The following XKR9 variants were observed in gnomAD, a reference collection of about 807,000 sequenced individuals.
XKR9 encodes XK related 9, also known as XK-related protein 9.
Under a neutral mutation model 32.0 loss-of-function variants are expected in XKR9, and 32 were observed. That is an observed-to-expected ratio of 1.00 (90% confidence interval 0.76 to 1.34). The LOEUF is 1.34. XKR9 is among the 40% of genes most tolerant of loss of function. The probability of loss-of-function intolerance (pLI) is 0.00; values close to 1 mark genes in which losing one functional copy is unlikely to be tolerated. For synonymous variants in XKR9, 168 were observed against 143.4 expected, an observed-to-expected ratio of 1.17 and a Z score of -1.22; for missense variants, 546 against 429.7, an observed-to-expected ratio of 1.27 and a Z score of -2.39.
chr8:71,008,720 G>T, the XKR9 span, among the ~76,000 whole-genome samples: 1 of 152,168 alleles, frequency 6.6e-6, no homozygotes, highest in African/African-American at 2.4e-5. Context: ...TCGACCTCCT[G>T]AGCTCATGCA....
the XKR9 span, among the ~76,000 whole-genome samples, chr8:70,935,658 T>C: frequency 3.3e-5 from 5 of 152,166 alleles, no homozygotes; most frequent in African/African-American, 9.6e-5. Context: ...TTGTCTGGTA[T>C]ATTTCTAAAA....
At chr8:70,936,650 T>A in the XKR9 span, among the ~76,000 whole-genome samples, 1 of 152,036 alleles carries the variant, frequency 6.6e-6, no homozygotes, top group Non-Finnish European at 1.5e-5. Context: ...CCTGTGTCTG[T>A]CCCGTTAATT....
the XKR9 span, among the ~76,000 whole-genome samples, chr8:70,813,081 G>GTACCAAAACAGCATGGTACTGT: frequency 6.6e-6 from 1 of 152,220 alleles, no homozygotes; most frequent in African/African-American, 2.4e-5. Flanking sequence ...CATGGTACTG[G>GTACCAAAACAGCATGGTACTGT]TACCAAAACA....
At chr8:70,756,909 C>T (rs558623291) in intron 2 of XKR9, among the ~76,000 whole-genome samples, 3 of 152,052 alleles carry the variant, frequency 2.0e-5, no homozygotes, top group Admixed American at 6.6e-5. Context: ...GGTGGACATC[C>T]CTGTCTTGTG....
chr8:71,031,116 CT>C, the XKR9 span, among the ~76,000 whole-genome samples: 2 of 152,150 alleles, frequency 1.3e-5, no homozygotes, highest in African/African-American at 4.8e-5. Flanking sequence ...TTTATACTAG[CT>C]GTACAATAAA....
the XKR9 span, among the ~76,000 whole-genome samples, chr8:70,853,527 A>G: frequency 6.6e-6 from 1 of 151,968 alleles, no homozygotes; most frequent in African/African-American, 2.4e-5. Context: ...CCAACAAATG[A>G]ACAAAAAAAA....
rs71560431 is a variant in XKR9 at position 70,669,606 on chromosome 8, CTG to C, written c.-361+100_-361+101del. On this transcript the variant is annotated intron_variant, in intron 1 of 4. Transcript: ENST00000408926. Reference sequence around the variant, plus strand: ...ATTGCCAGATTTTTAGGCAGTGGCTCTGTGTGTGTGTGTGTGTGTGTGTGTGT... The same window carrying C: ...ATTGCCAGATTTTTAGGCAGTGGCTCTGTGTGTGTGTGTGTGTGTGTGTGT... The C allele has an allele frequency of 2.5e-3, 376 of 147,996 alleles. 1 individual carries two copies. The highest frequency in any genetic ancestry group is 5.6e-3 in the African/African-American group (191 of 33,986). 9.2% of individuals were successfully genotyped at this position (147,996 alleles called of 1,614,324 possible). A position where few individuals can be genotyped will look rare whatever the true frequency, so the allele number is the denominator to read the frequency against.
chr8:70,776,726 T>A (rs1006334854), intron 2 of XKR9, among the ~76,000 whole-genome samples: 1 of 151,894 alleles, frequency 6.6e-6, no homozygotes, highest in African/African-American at 2.4e-5. Flanking sequence ...CTGTCTCTCC[T>A]TAGTCCTCAG....
At chr8:70,774,372 C>T (rs761070948) in intron 2 of XKR9, among the ~76,000 whole-genome samples, 4 of 152,010 alleles carry the variant, frequency 2.6e-5, no homozygotes, top group Non-Finnish European at 4.4e-5. Context: ...TGGGTTCAAG[C>T]AATCCTCCCA....
chr8:70,943,667 T>C, the XKR9 span, among the ~76,000 whole-genome samples: 1 of 152,096 alleles, frequency 6.6e-6, no homozygotes, highest in Non-Finnish European at 1.5e-5. Context: ...TAAAAGATCT[T>C]GAGGAAAGAA....
At chr8:71,019,375 G>T in the XKR9 span, among the ~76,000 whole-genome samples, 1 of 152,164 alleles carries the variant, frequency 6.6e-6, no homozygotes, top group Non-Finnish European at 1.5e-5. Context: ...TGAAAGGATT[G>T]ATCTATTTGA....
At chr8:70,905,793 C>T in the XKR9 span, among the ~76,000 whole-genome samples, 7 of 152,250 alleles carry the variant, frequency 4.6e-5, no homozygotes, top group Admixed American at 1.3e-4. Flanking sequence ...TGGTGACGCA[C>T]GGATGGGGTT....
chr8:70,968,329 A>G, the XKR9 span, among the ~76,000 whole-genome samples: 3 of 152,046 alleles, frequency 2.0e-5, no homozygotes, highest in Admixed American at 2.0e-4. Context: ...TCTGGTTGTC[A>G]GCTCCTGTAT....
the XKR9 span, among the ~76,000 whole-genome samples, chr8:70,998,850 AC>A: frequency 2.0e-5 from 3 of 152,176 alleles, no homozygotes; most frequent in South Asian, 4.1e-4. Flanking sequence ...CCCGTGTTAC[AC>A]AGTTGTCCCT....
chr8:70,785,474 C>G (rs1807672539), intron 2 of XKR9, among the ~76,000 whole-genome samples: 1 of 151,202 alleles, frequency 6.6e-6, no homozygotes, highest in Non-Finnish European at 1.5e-5. Flanking sequence ...AACAATTAAA[C>G]AATTAAATTG....
At chr8:70,726,308 C>T (rs930745052) in intron 4 of XKR9, among the ~76,000 whole-genome samples, 13 of 152,094 alleles carry the variant, frequency 8.5e-5, no homozygotes, top group Admixed American at 2.0e-4. Flanking sequence ...GCAGATCATC[C>T]GCGTCAATTC....
At chr8:70,726,246 A>C (rs1806465939) in intron 4 of XKR9, among the ~76,000 whole-genome samples, 1 of 152,228 alleles carries the variant, frequency 6.6e-6, no homozygotes, top group African/African-American at 2.4e-5. Flanking sequence ...AGCAGCTTAC[A>C]AATATATAGC....
chr8:70,753,777 G>C (rs1257339138), intron 2 of XKR9, among the ~76,000 whole-genome samples: 3 of 150,868 alleles, frequency 2.0e-5, no homozygotes, highest in African/African-American at 7.3e-5. Flanking sequence ...AAAATAATAA[G>C]AGCTATCTAT....
At chr8:70,750,948 T>C (rs1363347592) in intron 2 of XKR9, among the ~76,000 whole-genome samples, 1 of 152,170 alleles carries the variant, frequency 6.6e-6, no homozygotes, top group Non-Finnish European at 1.5e-5. Context: ...AACATATTGC[T>C]CTCCGTAGTG....
Sources: allele counts gnomAD v4.1 joint callset (sites outside exome capture counted in the v4.1 genomes callset), GRCh38; gene constraint gnomAD v4.1.1; transcripts MANE v1.5; gene names NCBI Gene and HGNC (gene_info 2026-07-23, HGNC 2026-07-21).